The following IDUA variants were observed in gnomAD, a reference collection of about 807,000 sequenced individuals.
IDUA encodes iduronidase alpha-L-.
IDUA carries 65 observed loss-of-function variants against 68.9 expected under a neutral mutation model. The observed-to-expected ratio is 0.94, with a 90% CI of 0.77 to 1.16. The LOEUF is 1.16. IDUA is among the 50% of genes most tolerant of loss of function. IDUA has a pLI of 0.00. For missense variants in IDUA, 1,046 were observed against 938.0 expected, an observed-to-expected ratio of 1.12 and a Z score of -1.50; for synonymous variants, 529 against 433.6, an observed-to-expected ratio of 1.22 and a Z score of -2.73.
At chr4:988,748 C>G in intron 2 of IDUA, 1 of 1,436,648 alleles carries the variant, frequency 7.0e-7, no homozygotes. Flanking sequence ...TGGCTCCTCC[C>G]TGGGAAGGGT....
chr4:998,469 G>A (rs1248522532), intron 2 of IDUA, among the ~76,000 whole-genome samples: 5 of 152,150 alleles, frequency 3.3e-5, no homozygotes, highest in Non-Finnish European at 7.4e-5. Flanking sequence ...AGCTGCCACA[G>A]GAGGTGCACT....
chr4:996,967 C>T (rs1714775909), intron 2 of IDUA, among the ~76,000 whole-genome samples: 2 of 151,034 alleles, frequency 1.3e-5, no homozygotes, highest in African/African-American at 4.8e-5. Flanking sequence ...CCGCCTCCCT[C>T]CTGAACCCCC....
Position 1,004,401 on chromosome 4 carries a change from C to A in IDUA, c.*8C>A. Reference sequence around the variant, plus strand: ...TCCCCGGGCAATCCATGAGCCTGTGCTGAGCCCCAGTGGGTTGCACCTCCA... The same window carrying A: ...TCCCCGGGCAATCCATGAGCCTGTGATGAGCCCCAGTGGGTTGCACCTCCA... On this transcript the variant is annotated 3_prime_UTR_variant, in exon 14 of 14. Coordinates refer to ENST00000514224, the MANE Select transcript of IDUA (RefSeq NM_000203.5). The surrounding 1 kb of genome is among the most constrained non-coding windows in gnomAD (Gnocchi z 5.0). The A allele has an allele frequency of 6.2e-7, 1 of 1,609,756 alleles. No homozygotes were observed. The highest frequency in any genetic ancestry group is 8.5e-7 in the Non-Finnish European group (1 of 1,179,946).
At chr4:988,436 A>C (rs1004895958) in intron 2 of IDUA, 3 of 1,070,778 alleles carry the variant, frequency 2.8e-6, no homozygotes, top group Admixed American at 5.0e-5. Context: ...TCCTACCAGC[A>C]GGGTGGGCAC....
rs751289519 is a variant in IDUA, at chr4:987,143, CG to C, written c.60del (p.Pro22ArgfsTer86). The C allele has an allele frequency of 2.0e-5, 29 of 1,419,118 alleles. No homozygotes were observed. Among genetic ancestry groups the C allele is most frequent in the Non-Finnish European group, 2.6e-5 (28 of 1,092,578 alleles). 87.9% of individuals were successfully genotyped at this position (1,419,118 alleles called of 1,614,324 possible). On this transcript the variant is annotated frameshift_variant, in exon 1 of 14. Coordinates refer to ENST00000514224, the MANE Select transcript of IDUA (RefSeq NM_000203.5). LOFTEE classifies it high-confidence loss of function. The stretch of plus-strand genomic sequence containing the variant: ...GCGCTCCTGGCCTCGCTCCTGGCCG[CG>C]CCCCCGGTGGCCCCGGCCGAGGCCC... ...LLALLASLLA[A>X]PPVAPAEAPH...
intron 2 of IDUA, among the ~76,000 whole-genome samples, chr4:992,411 G>C (rs1714437651): frequency 6.6e-6 from 1 of 152,216 alleles, no homozygotes; most frequent in African/African-American, 2.4e-5. Context: ...AGCTTTGTGG[G>C]TACTGGGACC....
Position 1,002,426 on chromosome 4 carries a change from C to T in IDUA, c.1130C>T (p.Pro377Leu), listed in dbSNP as rs546808806. The T allele has an allele frequency of 3.8e-6, 6 of 1,572,718 alleles. No individual in the cohort carries two copies. The highest frequency in any genetic ancestry group is 4.8e-5 in the East Asian group (2 of 41,774). The change falls in exon 8 of 14, where the codon CCG becomes CTG. Residue 377 changes from proline to leucine, a missense_variant. By Grantham distance (98) the Pro-to-Leu change is moderately conservative (BLOSUM62 -3). Coordinates refer to ENST00000514224, the MANE Select transcript of IDUA (RefSeq NM_000203.5). ...ARFQVNNTRP[P>L]HVQLLRKPVL... The stretch of plus-strand genomic sequence containing the variant: ...TTCCAGGTCAACAACACCCGCCCGC[C>T]GCACGTGCAGCTGTTGCGCAAGCCG...
chr4:1,002,172 C>T lies in IDUA; in HGVS notation c.972+11C>T. On this transcript the variant is annotated intron_variant, in intron 7 of 13. Coordinates refer to ENST00000514224, the MANE Select transcript of IDUA (RefSeq NM_000203.5). ...GCCATGGTGGTGAAGGTGGGCCGGC[C>T]CAACGCCCTGCGCGCCCCCCGGCCA... is the stretch of plus-strand genomic sequence containing the variant. The T allele has an allele frequency of 1.9e-6, 3 of 1,556,822 alleles. No homozygotes were observed. The highest frequency in any genetic ancestry group is 2.6e-6 in the Non-Finnish European group (3 of 1,150,814).
In IDUA at chr4:990,346, A is replaced by T. The variant is rs777403763; in HGVS notation, c.299+2397A>T. ...GTAGGCGGACACGAAGCCCAGCCGG[A>T]GGACGCCCATGAGGACCTGTGGACG... On this transcript the variant is annotated intron_variant, in intron 2 of 13. Transcript: ENST00000514224. 7.1e-5 allele frequency: 114 copies of T among 1,601,256 alleles called. No individual in the cohort carries two copies. The highest frequency in any genetic ancestry group is 1.9e-4 in the Admixed American group (11 of 58,104).
At chr4:991,668 T>C in intron 2 of IDUA, 2 of 1,539,044 alleles carry the variant, frequency 1.3e-6, no homozygotes, top group Non-Finnish European at 1.7e-6. Context: ...GCACCGGCCC[T>C]CTGCCCTGCT....
At chr4:988,517 A>G in intron 2 of IDUA, 1 of 1,178,414 alleles carries the variant, frequency 8.5e-7, no homozygotes, top group Non-Finnish European at 1.1e-6. Flanking sequence ...ACCCTTGTTC[A>G]AATAAGATGT....
At position 989,091 on chromosome 4, in the gene IDUA, G is replaced by A. The variant is rs377435206; in HGVS notation, c.299+1142G>A. 186 of 1,599,856 alleles carry A rather than the reference G, an allele frequency of 1.2e-4. No homozygotes were observed. The East Asian group carries it at 1.4e-3, about 12-fold the overall frequency. On this transcript the variant is annotated intron_variant, in intron 2 of 13. Coordinates refer to ENST00000514224, the MANE Select transcript of IDUA (RefSeq NM_000203.5). ...CTGCGTCTAGGAACAGCAGCGGGGC[G>A]CAGTCGATGACCACTGTGTGGAAGC... is the stretch of plus-strand genomic sequence containing the variant.
Position 1,000,608 on chromosome 4 carries a change from G to A in IDUA, c.300-4G>A, listed in dbSNP as rs2153021604. 1 of 1,611,308 alleles carries A rather than the reference G, an allele frequency of 6.2e-7. No individual in the cohort carries two copies. Among genetic ancestry groups the A allele is most frequent in the Non-Finnish European group, 8.5e-7 (1 of 1,178,580 alleles). ...GCTTCCTGACGCTGACCGTCCTTCT[G>A]CAGGGGGTCCACTGGACGGGGCCTG... On this transcript the variant is annotated splice_polypyrimidine_tract_variant and splice_region_variant and intron_variant, in intron 2 of 13. Coordinates refer to ENST00000514224, the MANE Select transcript of IDUA (RefSeq NM_000203.5).
At chr4:989,146 G>A (rs745684120) in intron 2 of IDUA, 6 of 1,607,712 alleles carry the variant, frequency 3.7e-6, no homozygotes, top group South Asian at 1.1e-5. Flanking sequence ...CGCAGCCCTG[G>A]TGCTAACCGG....
In IDUA at chr4:989,649, C is replaced by T. The variant is rs1282124158; in HGVS notation, c.299+1700C>T. The T allele has an allele frequency of 2.7e-5, 43 of 1,588,922 alleles. No homozygotes were observed. The Admixed American group carries it at 7.6e-4, about 28-fold the overall frequency. ...GCTGTAGGTCGTGGAACAGCGGTGCCAGCGCCAGCAGCACCAGCAGCACCA... is the reference window on the plus strand; with the variant it reads ...GCTGTAGGTCGTGGAACAGCGGTGCTAGCGCCAGCAGCACCAGCAGCACCA... On this transcript the variant is annotated intron_variant, in intron 2 of 13. Coordinates refer to ENST00000514224, the MANE Select transcript of IDUA (RefSeq NM_000203.5).
intron 2 of IDUA, chr4:992,081 G>C: frequency 1.9e-6 from 1 of 521,472 alleles, no homozygotes; most frequent in Non-Finnish European, 3.7e-6. Context: ...CCACCCTGTA[G>C]CCTCCTGAAG....
At chr4:1,001,387 C>A in intron 4 of IDUA, 81 bp from the exon 5 acceptor site, 1 of 1,173,120 alleles carries the variant, frequency 8.5e-7, no homozygotes, top group Non-Finnish European at 1.3e-6. Flanking sequence ...AGACGCCCTT[C>A]ATCACCTTGC....
At position 1,002,325 on chromosome 4, in the gene IDUA, C is replaced by T. The variant is rs764196171; in HGVS notation, c.1029C>T (p.Tyr343=). The change falls in exon 8 of 14, where the codon TAC becomes TAT. Residue 343 remains tyrosine, a synonymous_variant. Coordinates refer to ENST00000514224, the MANE Select transcript of IDUA (RefSeq NM_000203.5). ...LLANTTSAFP[Y]ALLSNDNAFL... is the part of the protein sequence containing the mutation. ...CCAACACCACCTCCGCCTTCCCCTA[C>T]GCGCTCCTGAGCAACGACAATGCCT... 4 of 1,613,124 alleles carry T rather than the reference C, an allele frequency of 2.5e-6. No individual in the cohort carries two copies. The highest frequency in any genetic ancestry group is 1.6e-4 in the Middle Eastern group (1 of 6,084).
intron 1 of IDUA, 23 bp downstream of exon 1, chr4:987,265 G>A (rs1162512463): frequency 2.6e-6 from 4 of 1,512,924 alleles, no homozygotes; most frequent in Non-Finnish European, 3.5e-6. Context: ...CGGCCTCCGG[G>A]ACCCCCTGGC....
Sources: gnomAD v4.1 joint callset for allele counts (sites outside exome capture counted in the v4.1 genomes callset) on GRCh38, gnomAD v4.1.1 for gene constraint, Gnocchi (gnomAD v3.1) non-coding constraint, MANE v1.5 for transcripts, NCBI Gene and HGNC (gene_info 2026-07-23, HGNC 2026-07-21) for gene names.